Variants in BEST3 observed in about 807,000 individuals in gnomAD.
The protein encoded by BEST3 is bestrophin-3.
In BEST3, 50 loss-of-function variants were observed where a neutral mutation model predicts 47.1. The ratio of observed to expected loss-of-function variants is 1.06; its 90% confidence interval spans 0.85 to 1.34. BEST3 has a LOEUF of 1.34. Ranked by LOEUF, BEST3 falls within the 40% of genes most tolerant of loss-of-function variation. BEST3 has a pLI of 0.00. For synonymous variants in BEST3, 282 were observed against 298.8 expected (o/e 0.94, Z 0.58); for missense variants, 765 against 817.0 (o/e 0.94, Z 0.78).
downstream of BEST3, among the ~76,000 whole-genome samples, chr12:69,649,848 G>A (rs11177767): frequency 0.42 from 63,932 of 152,098 alleles, 15,381 homozygotes; most frequent in Middle Eastern, 0.59. Flanking sequence ...ACGCACCAGC[G>A]CTTTTGTGCA....
At chr12:69,677,749 G>C (rs1187359650) in intron 5 of BEST3, among the ~76,000 whole-genome samples, 1 of 152,006 alleles carries the variant, frequency 6.6e-6, no homozygotes, top group East Asian at 1.9e-4. Flanking sequence ...CCACTATGCT[G>C]CATGTAGCCT....
chr12:69,695,278 C>T (rs1886090693), intron 2 of BEST3, among the ~76,000 whole-genome samples: 2 of 152,086 alleles, frequency 1.3e-5, no homozygotes, highest in Admixed American at 6.6e-5. Context: ...GTAGCTGTTC[C>T]AAAGGAGGAA....
downstream of BEST3, among the ~76,000 whole-genome samples, chr12:69,650,408 AT>A (rs1400406089): frequency 6.6e-6 from 1 of 152,236 alleles, no homozygotes; most frequent in Non-Finnish European, 1.5e-5. Flanking sequence ...ATGCAAAAGT[AT>A]TGAGGACCTA....
chr12:69,676,119 A>G (rs562691842), intron 7 of BEST3, among the ~76,000 whole-genome samples: 3 of 152,294 alleles, frequency 2.0e-5, no homozygotes, highest in Non-Finnish European at 2.9e-5. Context: ...AGCAAGGAAA[A>G]TTCTACACAG....
At chr12:69,689,247 C>T (rs1475697116) in intron 4 of BEST3, 7 of 985,534 alleles carry the variant, frequency 7.1e-6, no homozygotes, top group Non-Finnish European at 8.4e-6. Flanking sequence ...AAGCAGACCC[C>T]ATGTGCAGAC....
intron 2 of BEST3, among the ~76,000 whole-genome samples, chr12:69,695,142 AT>A (rs1253827957): frequency 1.2e-4 from 19 of 152,332 alleles, no homozygotes; most frequent in Non-Finnish European, 2.2e-4. Flanking sequence ...TAATGAGACT[AT>A]TATTGATATT....
intron 9 of BEST3, among the ~76,000 whole-genome samples, chr12:69,647,768 T>A (rs1345469644): frequency 2.0e-5 from 3 of 152,154 alleles, no homozygotes; most frequent in Non-Finnish European, 4.4e-5. Context: ...TATATTAAAT[T>A]AAGGATTTCT....
chr12:69,643,867 C>G, intron 9 of BEST3: 2 of 580,278 alleles, frequency 3.4e-6, no homozygotes. Context: ...GCCAAACTCA[C>G]AGAGTTGAAT....
chr12:69,683,544 C>T (rs1009569881), intron 4 of BEST3: 2 of 152,214 alleles, frequency 1.3e-5, no homozygotes, highest in South Asian at 2.1e-4. Flanking sequence ...TTTGGAGAGA[C>T]TAATCAGAAA....
Position 69,654,158 on chromosome 12 carries a change from A to C in BEST3, c.*749T>G, listed in dbSNP as rs2135904477. 1.0e-6 allele frequency: 1 copy of C among 985,362 alleles called. No homozygotes were observed. The highest frequency in any genetic ancestry group is 4.7e-5 in the South Asian group (1 of 21,282). 61.0% of individuals were successfully genotyped at this position (985,362 alleles called of 1,614,324 possible). On this transcript the variant is annotated 3_prime_UTR_variant, in exon 10 of 10. Transcript: ENST00000330891. ...GGCTTTGCCAATGTCTTATATTTTG[A>C]AATTCATGGCAAGACATAAGCAACA...
chr12:69,685,019 C>CTATTA (rs1885489670), intron 4 of BEST3, among the ~76,000 whole-genome samples: 1 of 150,202 alleles, frequency 6.7e-6, no homozygotes, highest in South Asian at 2.1e-4. Flanking sequence ...CTATTCTATT[C>CTATTA]TATTCTATTC....
downstream of BEST3, among the ~76,000 whole-genome samples, chr12:69,651,263 C>G (rs1283700911): frequency 8.5e-5 from 13 of 152,308 alleles, no homozygotes; most frequent in South Asian, 1.0e-3. Context: ...GCATTCCCAG[C>G]CTCCTCTCAC....
intron 9 of BEST3, among the ~76,000 whole-genome samples, chr12:69,664,360 A>G (rs1248811451): frequency 6.6e-6 from 1 of 152,166 alleles, no homozygotes; most frequent in Non-Finnish European, 1.5e-5. Context: ...CTGCACAGGC[A>G]CCATCTCCCC....
intron 4 of BEST3, among the ~76,000 whole-genome samples, chr12:69,680,272 A>G (rs1885164143): frequency 6.6e-6 from 1 of 151,246 alleles, no homozygotes; most frequent in African/African-American, 2.4e-5. Context: ...GTTTGTTTGC[A>G]ACAAGATGCA....
intron 4 of BEST3, among the ~76,000 whole-genome samples, chr12:69,690,222 G>A (rs1297074109): frequency 6.6e-6 from 1 of 152,200 alleles, no homozygotes; most frequent in Non-Finnish European, 1.5e-5. Context: ...ACATCCAGAA[G>A]TGAAGGACTC....
At chr12:69,650,664 C>A (rs2135898485), downstream of BEST3, among the ~76,000 whole-genome samples, 1 of 152,222 alleles carries the variant, frequency 6.6e-6, no homozygotes, top group Middle Eastern at 3.4e-3. Context: ...TAACTTTGAA[C>A]CAGGGGTTCT....
intron 4 of BEST3, among the ~76,000 whole-genome samples, chr12:69,691,464 C>T (rs773742203): frequency 6.6e-6 from 1 of 152,182 alleles, no homozygotes; most frequent in Non-Finnish European, 1.5e-5. Context: ...TCATTCTTGT[C>T]GTACCCAACT....
chr12:69,688,480 T>C (rs190161588), intron 4 of BEST3, among the ~76,000 whole-genome samples: 219 of 152,358 alleles, frequency 1.4e-3, no homozygotes, highest in African/African-American at 4.8e-3. Flanking sequence ...AAATTTAACC[T>C]GTAGCATCAA....
At chr12:69,696,186 T>A (rs1033549462) in intron 2 of BEST3, among the ~76,000 whole-genome samples, 1 of 152,184 alleles carries the variant, frequency 6.6e-6, no homozygotes, top group African/African-American at 2.4e-5. Flanking sequence ...TAATAAGGTA[T>A]TACAATTGAA....
Sources: gnomAD v4.1 joint callset for allele counts (sites outside exome capture counted in the v4.1 genomes callset) on GRCh38, gnomAD v4.1.1 for gene constraint, MANE v1.5 for transcripts, NCBI Gene and HGNC (gene_info 2026-07-23, HGNC 2026-07-21) for gene names.